The following SIRPA variants were observed in gnomAD, a reference collection of about 807,000 sequenced individuals.
SIRPA encodes the protein tyrosine-protein phosphatase non-receptor type substrate 1.
In SIRPA, 9 loss-of-function variants were observed where a neutral mutation model predicts 50.3. That is an observed-to-expected ratio of 0.18 (90% CI 0.11 to 0.31). The LOEUF is 0.31. Ranked by LOEUF, SIRPA falls within the 10% of genes least tolerant of loss-of-function variation. The pLI is 1.00. For missense variants in SIRPA, 474 were observed against 661.6 expected (o/e 0.72, Z 3.11); for synonymous variants, 265 against 284.1 (o/e 0.93, Z 0.68).
At chr20:1,901,516 GT>G in intron 1 of SIRPA, among the ~76,000 whole-genome samples, 1 of 152,162 alleles carries the variant, frequency 6.6e-6, no homozygotes, top group Non-Finnish European at 1.5e-5. Flanking sequence ...GGTGGGGGCA[GT>G]GTGTGTCCCC....
rs1485324911 is a variant in SIRPA at position 1,924,689 on chromosome 20, G to A, written c.1088-75G>A. 3.3e-6 allele frequency: 4 copies of A among 1,202,374 alleles called. No individual in the cohort carries two copies. Among genetic ancestry groups the A allele is most frequent in the South Asian group, 2.5e-5 (2 of 81,158 alleles). The allele number at this position is 1,202,374 out of a possible 1,614,324, so 74.5% of individuals were successfully genotyped here. A position where few individuals can be genotyped will look rare whatever the true frequency, so the allele number is the denominator to read the frequency against. ...CTCAGTTAATGATGCCTGCTTAGTG[G>A]TGAAAAGCAGTGGTGGGTTTGGTTT... On this transcript the variant is annotated intron_variant, in intron 4 of 7. Coordinates refer to ENST00000358771, the MANE Select transcript of SIRPA (RefSeq NM_001040023.2). This position sits in a 1 kb window ranked among gnomAD's most constrained non-coding sequence, Gnocchi z 4.5.
chr20:1,915,875 G>C (rs1335482420), intron 2 of SIRPA, among the ~76,000 whole-genome samples: 1 of 152,220 alleles, frequency 6.6e-6, no homozygotes. Context: ...TGTGTGCCAG[G>C]CTCCGCCAAG....
rs1488919384 is a variant in SIRPA at position 1,933,578 on chromosome 20, A to G, written c.1227-1137A>G. 1.3e-5 allele frequency among the ~76,000 whole-genome samples: 2 copies of G among 152,170 alleles called. No homozygotes were observed. Among genetic ancestry groups the G allele is most frequent in the Non-Finnish European group, 2.9e-5 (2 of 68,034 alleles). Reference sequence around the variant, plus strand: ...GGCTGGAGGCCAGTAGTGTGGGGACAGATCTGCGTGATCTTCCCCAGCAGA... The same window carrying G: ...GGCTGGAGGCCAGTAGTGTGGGGACGGATCTGCGTGATCTTCCCCAGCAGA... On this transcript the variant is annotated intron_variant, in intron 6 of 7. Transcript: ENST00000358771. The surrounding 1 kb of genome is among the most constrained non-coding windows in gnomAD (Gnocchi z 4.4).
At chr20:1,906,725 C>T (rs1984573685) in intron 1 of SIRPA, among the ~76,000 whole-genome samples, 1 of 152,120 alleles carries the variant, frequency 6.6e-6, no homozygotes, top group Admixed American at 6.5e-5. Context: ...AGAGGCTTCT[C>T]TGGCTGCTGG....
rs3197744 is a variant in SIRPA at position 1,937,841 on chromosome 20, G to T, written c.*273G>T. The T allele has an allele frequency of 0.54, 265,287 of 492,748 alleles. 76,569 individuals are homozygous for T. Among genetic ancestry groups the T allele is most frequent in the Non-Finnish European group, 0.62 (167,671 of 272,036 alleles). The allele number at this position is 492,748 out of a possible 1,614,324, so 30.5% of individuals were successfully genotyped here. ...ACCAACCTGGGAAGTGGCCAGAACT[G>T]CCTGGGGTCCAAGAACTCTTGTGCC... is the stretch of plus-strand genomic sequence containing the variant. On this transcript the variant is annotated 3_prime_UTR_variant, in exon 8 of 8. Coordinates refer to ENST00000358771, the MANE Select transcript of SIRPA (RefSeq NM_001040023.2). This position sits in a 1 kb window ranked among gnomAD's most constrained non-coding sequence, Gnocchi z 8.3.
intron 1 of SIRPA, among the ~76,000 whole-genome samples, chr20:1,907,917 T>C (rs1471553361): frequency 2.0e-5 from 3 of 152,194 alleles, no homozygotes; most frequent in African/African-American, 7.2e-5. Context: ...GCCCCGGCCA[T>C]GAATGCAGCC....
upstream of SIRPA, chr20:1,894,501 C>T (rs944459205): frequency 6.6e-6 from 1 of 152,186 alleles, no homozygotes; most frequent in Non-Finnish European, 1.5e-5. The surrounding 1 kb of genome is among the most constrained non-coding windows in gnomAD (Gnocchi z 4.0). Context: ...GCCTTCCAGC[C>T]CTCGCGGGCG....
chr20:1,927,956 C>T lies in SIRPA; in HGVS notation c.1226+57C>T, dbSNP rs893666731. The T allele has an allele frequency of 7.0e-7, 1 of 1,429,658 alleles. No individual in the cohort carries two copies. The highest frequency in any genetic ancestry group is 9.9e-7 in the Non-Finnish European group (1 of 1,011,890). 88.6% of individuals were successfully genotyped at this position (1,429,658 alleles called of 1,614,324 possible). A position where few individuals can be genotyped will look rare whatever the true frequency, so the allele number is the denominator to read the frequency against. ...AGTTATTATTTGGTTATTTGACAGC[C>T]CCCCAGACTACAAAGCATAATCCAT... is the stretch of plus-strand genomic sequence containing the variant. On this transcript the variant is annotated intron_variant, in intron 6 of 7. Coordinates refer to ENST00000358771, the MANE Select transcript of SIRPA (RefSeq NM_001040023.2). The surrounding 1 kb of genome is among the most constrained non-coding windows in gnomAD (Gnocchi z 6.5).
At chr20:1,935,274 T>C (rs1262321880) in intron 7 of SIRPA, among the ~76,000 whole-genome samples, 3 of 152,220 alleles carry the variant, frequency 2.0e-5, no homozygotes, top group Non-Finnish European at 4.4e-5. Context: ...CTGGTCAGCA[T>C]TGCTGAGATG....
chr20:1,906,973 T>C (rs972253426), intron 1 of SIRPA, among the ~76,000 whole-genome samples: 43 of 152,140 alleles, frequency 2.8e-4, no homozygotes, highest in African/African-American at 9.9e-4. Context: ...GCATTTCCTG[T>C]TTACAGGTGA....
Position 1,897,889 on chromosome 20 carries a change from A to G in SIRPA, c.79+2363A>G, listed in dbSNP as rs150093209. Among the ~76,000 whole-genome samples the G allele has an allele frequency of 2.2e-3, 341 of 152,350 alleles. 1 individual carries two copies. Among genetic ancestry groups the G allele is most frequent in the African/African-American group, 8.0e-3 (334 of 41,588 alleles). ...AACCTATGTTTTTGGACCCAATGTG[A>G]GGCCTGTTTCCTAAAACAACTGCAC... On this transcript the variant is annotated intron_variant, in intron 1 of 7. Coordinates refer to ENST00000358771, the MANE Select transcript of SIRPA (RefSeq NM_001040023.2).
In SIRPA at chr20:1,936,069, A is replaced by C. The variant is rs921194664; in HGVS notation, c.1267-1251A>C. Among the ~76,000 whole-genome samples, 1 of 152,006 alleles carries C rather than the reference A, an allele frequency of 6.6e-6. No individual in the cohort carries two copies. The highest frequency in any genetic ancestry group is 1.5e-5 in the Non-Finnish European group (1 of 68,012). ...CCTTCCCAAGCAGGGTTGTGGTAAG[A>C]GTGGATGGGGTGATCTATGTGATTG... On this transcript the variant is annotated intron_variant, in intron 7 of 7. Coordinates refer to ENST00000358771, the MANE Select transcript of SIRPA (RefSeq NM_001040023.2). The surrounding 1 kb of genome is among the most constrained non-coding windows in gnomAD (Gnocchi z 4.2).
Position 1,937,941 on chromosome 20 carries a change from G to A in SIRPA, c.*373G>A. 4.5e-6 allele frequency: 1 copy of A among 221,944 alleles called. No individual in the cohort carries two copies. The highest frequency in any genetic ancestry group is 9.1e-6 in the Non-Finnish European group (1 of 110,072). The allele number at this position is 221,944 out of a possible 1,614,324, so 13.7% of individuals were successfully genotyped here. A position where few individuals can be genotyped will look rare whatever the true frequency, so the allele number is the denominator to read the frequency against. On this transcript the variant is annotated 3_prime_UTR_variant, in exon 8 of 8. Coordinates refer to ENST00000358771, the MANE Select transcript of SIRPA (RefSeq NM_001040023.2). The surrounding 1 kb of genome is among the most constrained non-coding windows in gnomAD (Gnocchi z 8.3). ...GCTCCGAAGCCTGATCTTCCAGGGT[G>A]GGGAGGAGAAAATCCCACCTCCCCT...
intron 1 of SIRPA, 50 bp from the exon 2 acceptor site, chr20:1,915,049 C>G: frequency 2.2e-6 from 3 of 1,369,216 alleles, no homozygotes; most frequent in Non-Finnish European, 3.0e-6. Context: ...TGAGGAAACA[C>G]AGAGGATCAC....
chr20:1,940,419 C>T lies in SIRPA; in HGVS notation c.*2851C>T, dbSNP rs1007777892. The T allele has an allele frequency of 1.3e-5, 2 of 152,280 alleles. No homozygotes were observed. Among genetic ancestry groups the T allele is most frequent in the African/African-American group, 2.4e-5 (1 of 41,444 alleles). The allele number at this position is 152,280 out of a possible 1,614,324, so 9.4% of individuals were successfully genotyped here. A position where few individuals can be genotyped will look rare whatever the true frequency, so the allele number is the denominator to read the frequency against. On this transcript the variant is annotated 3_prime_UTR_variant, in exon 8 of 8. Transcript: ENST00000358771. ...CTCCTGGGGCCTCACTTTCCTTCCC[C>T]ACCAAATGCAGACATCTAATGCTTG... is the stretch of plus-strand genomic sequence containing the variant.
Position 1,934,824 on chromosome 20 carries a change from G to A in SIRPA, c.1266+70G>A, listed in dbSNP as rs920192812. 8 of 1,544,882 alleles carry A rather than the reference G, an allele frequency of 5.2e-6. No individual in the cohort carries two copies. In the African/African-American group the frequency reaches 9.5e-5, roughly 18 times the overall value. On this transcript the variant is annotated intron_variant, in intron 7 of 7. Transcript: ENST00000358771. The surrounding 1 kb of genome is among the most constrained non-coding windows in gnomAD (Gnocchi z 4.6). The stretch of plus-strand genomic sequence containing the variant: ...TGGTTGCTTCACATCAACCGGAATT[G>A]CAGATCTGGTTCTAAATTAAGACTC...
At chr20:1,895,221 T>A (rs1983707599), upstream of SIRPA, 1 of 395,314 alleles carries the variant, frequency 2.5e-6, no homozygotes, top group Non-Finnish European at 4.4e-6. Flanking sequence ...GCGCTTGGGG[T>A]CTCTCCCAGT....
rs952823888 is a variant in SIRPA at position 1,920,537 on chromosome 20, C to T, written c.437-858C>T. On this transcript the variant is annotated intron_variant, in intron 2 of 7. Transcript: ENST00000358771. ...TTCTGCCTGCTTGGGCGCCCTGTGT[C>T]TGTGTAATTAATTGATAATTAACCA... Among the ~76,000 whole-genome samples the T allele has an allele frequency of 3.3e-5, 5 of 152,140 alleles. No individual in the cohort carries two copies. The East Asian group carries it at 5.8e-4, about 18-fold the overall frequency.
intron 2 of SIRPA, among the ~76,000 whole-genome samples, chr20:1,918,841 C>G (rs982183083): frequency 2.0e-5 from 3 of 152,108 alleles, no homozygotes; most frequent in Non-Finnish European, 4.4e-5. Context: ...TATCACTGAG[C>G]TCCTGCAGAA....
Sources: allele counts gnomAD v4.1 joint callset (sites outside exome capture counted in the v4.1 genomes callset), GRCh38; gene constraint gnomAD v4.1.1; non-coding constraint Gnocchi (gnomAD v3.1); transcripts MANE v1.5; gene names NCBI Gene and HGNC (gene_info 2026-07-23, HGNC 2026-07-21).